CDKAL1: variants seen among roughly 807,000 people sequenced by gnomAD.
The protein encoded by CDKAL1 is threonylcarbamoyladenosine tRNA methylthiotransferase.
A neutral mutation model predicts 68.2 loss-of-function variants in CDKAL1; 32 were observed. The observed-to-expected ratio is 0.47, with a 90% CI of 0.35 to 0.63. The LOEUF (loss-of-function observed/expected upper bound fraction) is 0.63, where lower values mean the gene tolerates loss of function less well. Ranked by LOEUF, CDKAL1 falls within the 30% of genes least tolerant of loss-of-function variation. The probability of loss-of-function intolerance (pLI) is 0.00; values close to 1 mark genes in which losing one functional copy is unlikely to be tolerated. For missense variants in CDKAL1, 606 were observed against 696.7 expected, an observed-to-expected ratio of 0.87 and a Z score of 1.47; for synonymous variants, 234 against 244.3, an observed-to-expected ratio of 0.96 and a Z score of 0.39.
intron 12 of CDKAL1, among the ~76,000 whole-genome samples, chr6:21,093,719 T>A (rs1046830664): frequency 1.0e-4 from 6 of 59,652 alleles, no homozygotes; most frequent in African/African-American, 4.1e-4. Flanking sequence ...TTTTTTTTTT[T>A]TTTTTTTTTT....
intron 10 of CDKAL1, among the ~76,000 whole-genome samples, chr6:20,988,471 T>C (rs1190437256): frequency 2.6e-5 from 4 of 152,150 alleles, no homozygotes; most frequent in Non-Finnish European, 5.9e-5. Flanking sequence ...TGTTGTATAG[T>C]AAAATCGCCT....
chr6:20,729,319 C>G (rs1772798654), intron 5 of CDKAL1, among the ~76,000 whole-genome samples: 1 of 152,182 alleles, frequency 6.6e-6, no homozygotes, highest in African/African-American at 2.4e-5. Flanking sequence ...GGAACTCTTT[C>G]CTCTTGCTCT....
chr6:21,068,571 A>G (rs986943362), intron 12 of CDKAL1, among the ~76,000 whole-genome samples: 6 of 152,082 alleles, frequency 3.9e-5, no homozygotes, highest in Non-Finnish European at 7.4e-5. Context: ...CTGGGCATCT[A>G]TTCTGTTCCT....
chr6:20,750,690 G>A (rs991304238), intron 6 of CDKAL1, among the ~76,000 whole-genome samples: 4 of 152,056 alleles, frequency 2.6e-5, no homozygotes, highest in Admixed American at 6.5e-5. Flanking sequence ...TCAGCCAGGC[G>A]TGGTGACTCA....
At chr6:21,048,222 G>A (rs1009653054) in intron 11 of CDKAL1, among the ~76,000 whole-genome samples, 1 of 152,176 alleles carries the variant, frequency 6.6e-6, no homozygotes, top group Non-Finnish European at 1.5e-5. Context: ...AGTATGAAAT[G>A]AATGAGTGTA....
At chr6:20,621,789 C>T (rs1767206482) in intron 4 of CDKAL1, among the ~76,000 whole-genome samples, 1 of 142,922 alleles carries the variant, frequency 7.0e-6, no homozygotes. Context: ...TTTTTTTGAC[C>T]ACTTTTTGGC....
At chr6:21,043,065 C>T (rs1353286576) in intron 11 of CDKAL1, among the ~76,000 whole-genome samples, 1 of 152,168 alleles carries the variant, frequency 6.6e-6, no homozygotes, top group Non-Finnish European at 1.5e-5. Flanking sequence ...TTTCTCATAA[C>T]TCTTAATGTT....
intron 5 of CDKAL1, among the ~76,000 whole-genome samples, chr6:20,726,248 C>T (rs1321175497): frequency 1.3e-5 from 2 of 152,080 alleles, no homozygotes; most frequent in Non-Finnish European, 2.9e-5. Context: ...ACTCTTTTGA[C>T]CAATTGCCAA....
At chr6:20,558,752 C>T (rs527996891) in intron 4 of CDKAL1, 7 of 360,214 alleles carry the variant, frequency 1.9e-5, no homozygotes, top group South Asian at 8.5e-5. Flanking sequence ...AATTTAAAGG[C>T]GTTACAATAC....
chr6:20,957,482 A>C (rs1764834071), intron 10 of CDKAL1, among the ~76,000 whole-genome samples: 1 of 152,246 alleles, frequency 6.6e-6, no homozygotes, highest in Non-Finnish European at 1.5e-5. Context: ...CCAGATGTTT[A>C]GTTCCTAGAT....
chr6:21,133,706 A>G (rs183415631), intron 13 of CDKAL1, among the ~76,000 whole-genome samples: 2 of 152,320 alleles, frequency 1.3e-5, no homozygotes, highest in Non-Finnish European at 2.9e-5. Flanking sequence ...TCATCTTGCA[A>G]AACAGTCATA....
intron 5 of CDKAL1, among the ~76,000 whole-genome samples, chr6:20,726,066 A>AT (rs1772640021): frequency 6.6e-6 from 1 of 151,970 alleles, no homozygotes; most frequent in South Asian, 2.1e-4. Flanking sequence ...GCCATCTTTT[A>AT]TAGGGGGGAG....
intron 12 of CDKAL1, among the ~76,000 whole-genome samples, chr6:21,100,360 T>A (rs1379750958): frequency 6.6e-6 from 1 of 152,232 alleles, no homozygotes; most frequent in African/African-American, 2.4e-5. Flanking sequence ...TTTGGTGTCC[T>A]CTAAGAAATG....
At chr6:20,699,662 T>G (rs994211941) in intron 5 of CDKAL1, among the ~76,000 whole-genome samples, 1 of 152,058 alleles carries the variant, frequency 6.6e-6, no homozygotes, top group Non-Finnish European at 1.5e-5. Context: ...ATATGCACCT[T>G]CTGGATAGAG....
intron 6 of CDKAL1, among the ~76,000 whole-genome samples, chr6:20,744,487 C>G (rs1773584263): frequency 6.6e-6 from 1 of 152,158 alleles, no homozygotes; most frequent in African/African-American, 2.4e-5. Flanking sequence ...CCTGTCCTCA[C>G]TGAGCTTACG....
intron 13 of CDKAL1, among the ~76,000 whole-genome samples, chr6:21,176,522 A>T (rs1411944072): frequency 6.6e-6 from 1 of 152,118 alleles, no homozygotes; most frequent in African/African-American, 2.4e-5. Flanking sequence ...TCTAAAGGAG[A>T]CCAAAATATT....
intron 10 of CDKAL1, among the ~76,000 whole-genome samples, chr6:20,984,819 G>T (rs1200524456): frequency 6.8e-6 from 1 of 148,066 alleles, no homozygotes; most frequent in East Asian, 2.2e-4. Flanking sequence ...AACGGGGGGG[G>T]GTGGGGAAGG....
At chr6:20,735,995 T>C (rs1464516910) in intron 5 of CDKAL1, among the ~76,000 whole-genome samples, 5 of 152,236 alleles carry the variant, frequency 3.3e-5, no homozygotes, top group African/African-American at 4.8e-5. Flanking sequence ...TCCTCACTTA[T>C]TCTCAGCCAG....
At chr6:21,015,253 G>C (rs1320179418) in intron 11 of CDKAL1, among the ~76,000 whole-genome samples, 1 of 152,172 alleles carries the variant, frequency 6.6e-6, no homozygotes, top group Admixed American at 6.5e-5. Context: ...TTACTTACGT[G>C]ATCTGCTTTA....
Sources: gnomAD v4.1 joint callset for allele counts (sites outside exome capture counted in the v4.1 genomes callset) on GRCh38, gnomAD v4.1.1 for gene constraint, MANE v1.5 for transcripts, NCBI Gene and HGNC (gene_info 2026-07-23, HGNC 2026-07-21) for gene names.